KCNJ3: variants seen among roughly 807,000 people sequenced by gnomAD.
KCNJ3 encodes G protein-activated inward rectifier potassium channel 1.
In KCNJ3, 4 loss-of-function variants were observed where a neutral mutation model predicts 39.2. The ratio of observed to expected loss-of-function variants is 0.10; its 90% confidence interval spans 0.05 to 0.23. The LOEUF (loss-of-function observed/expected upper bound fraction) is 0.23. KCNJ3 is among the 10% of genes least tolerant of loss of function. KCNJ3 has a pLI of 1.00. For synonymous variants in KCNJ3, 230 were observed against 237.4 expected (o/e 0.97, Z 0.29); for missense variants, 276 against 634.9 (o/e 0.43, Z 6.08).
intron 2 of KCNJ3, among the ~76,000 whole-genome samples, chr2:154,806,732 C>T (rs1321823685): frequency 6.6e-6 from 1 of 152,174 alleles, no homozygotes; most frequent in Non-Finnish European, 1.5e-5. Context: ...CAGGATGGCA[C>T]TAACCTACAC....
Position 154,856,453 on chromosome 2 carries a change from T to C in KCNJ3, c.*1140T>C, listed in dbSNP as rs1032103115. 1.3e-5 allele frequency: 2 copies of C among 152,492 alleles called. No homozygotes were observed. The highest frequency in any genetic ancestry group is 2.9e-5 in the Non-Finnish European group (2 of 68,014). The allele number at this position is 152,492 out of a possible 1,614,324, so 9.4% of individuals were successfully genotyped here. A position where few individuals can be genotyped will look rare whatever the true frequency, so the allele number is the denominator to read the frequency against. Reference sequence around the variant, plus strand: ...GAAACAGATGATAAATATTTATGCTTAAAATATGTATGTCTAATTGAGTCT... The same window carrying C: ...GAAACAGATGATAAATATTTATGCTCAAAATATGTATGTCTAATTGAGTCT... On this transcript the variant is annotated 3_prime_UTR_variant, in exon 3 of 3. Transcript: ENST00000295101.
chr2:154,768,634 G>T (rs1686178048), intron 2 of KCNJ3, among the ~76,000 whole-genome samples: 1 of 152,060 alleles, frequency 6.6e-6, no homozygotes, highest in Non-Finnish European at 1.5e-5. Context: ...GCCTCCAGCT[G>T]TGCTCTTTTG....
intron 2 of KCNJ3, among the ~76,000 whole-genome samples, chr2:154,748,586 G>T (rs1291134427): frequency 2.6e-5 from 4 of 151,958 alleles, no homozygotes; most frequent in Non-Finnish European, 4.4e-5. Context: ...TCATCCAATT[G>T]TAAGATATCT....
intron 2 of KCNJ3, among the ~76,000 whole-genome samples, chr2:154,727,806 CATA>C (rs1685385873): frequency 6.6e-6 from 1 of 151,442 alleles, no homozygotes; most frequent in African/African-American, 2.4e-5. Context: ...GGTCAGCTGT[CATA>C]GTAGAAAAAA....
In KCNJ3 at chr2:154,703,987, G is replaced by C. The variant is rs572948538; in HGVS notation, c.702+4510G>C. On this transcript the variant is annotated intron_variant, in intron 1 of 2. Coordinates refer to ENST00000295101, the MANE Select transcript of KCNJ3 (RefSeq NM_002239.4). ...GGAGCTAGGTCCTGTATTGGTTGGT[G>C]AGTTCTTCAGGTAGATTCATTTTAT... Among the ~76,000 whole-genome samples the C allele has an allele frequency of 2.6e-5, 4 of 152,150 alleles. No homozygotes were observed. The South Asian group carries it at 8.3e-4, about 32-fold the overall frequency.
chr2:154,794,573 A>G (rs1357287042), intron 2 of KCNJ3, among the ~76,000 whole-genome samples: 1 of 152,030 alleles, frequency 6.6e-6, no homozygotes, highest in African/African-American at 2.4e-5. Context: ...AAATATATCT[A>G]GAAGAGTGCT....
intron 2 of KCNJ3, among the ~76,000 whole-genome samples, chr2:154,819,999 T>A (rs1335135694): frequency 6.6e-6 from 1 of 152,170 alleles, no homozygotes; most frequent in Non-Finnish European, 1.5e-5. Context: ...TTTAGAATTA[T>A]GGAAACATTG....
At chr2:154,783,435 T>C (rs1686474475) in intron 2 of KCNJ3, among the ~76,000 whole-genome samples, 1 of 152,184 alleles carries the variant, frequency 6.6e-6, no homozygotes, top group African/African-American at 2.4e-5. Context: ...TTTCATATGA[T>C]GCAGCAAGAG....
chr2:154,822,327 T>C (rs1420377733), intron 2 of KCNJ3, among the ~76,000 whole-genome samples: 1 of 152,202 alleles, frequency 6.6e-6, no homozygotes. Flanking sequence ...ATTTTTTAAC[T>C]GTGTGCCTCA....
At chr2:154,847,855 G>GT (rs1019080408) in intron 2 of KCNJ3, among the ~76,000 whole-genome samples, 2 of 152,150 alleles carry the variant, frequency 1.3e-5, no homozygotes, top group African/African-American at 4.8e-5. Context: ...AGTGTTTGAT[G>GT]TTAGGTGCAT....
chr2:154,846,009 A>G (rs1468440514), intron 2 of KCNJ3, among the ~76,000 whole-genome samples: 1 of 152,114 alleles, frequency 6.6e-6, no homozygotes, highest in South Asian at 2.1e-4. Flanking sequence ...AAAGTCTGCA[A>G]TGCTTCTAAT....
intron 2 of KCNJ3, among the ~76,000 whole-genome samples, chr2:154,837,073 G>T (rs1385836546): frequency 1.3e-5 from 2 of 152,178 alleles, no homozygotes; most frequent in East Asian, 3.9e-4. Flanking sequence ...GATGTCAAGT[G>T]TGTAAGTGTA....
At chr2:154,820,459 C>T (rs537854275) in intron 2 of KCNJ3, among the ~76,000 whole-genome samples, 1 of 152,282 alleles carries the variant, frequency 6.6e-6, no homozygotes, top group East Asian at 1.9e-4. Flanking sequence ...TGTATCACAT[C>T]AGGAGACGCA....
chr2:154,747,735 G>A (rs1209167046), intron 2 of KCNJ3, among the ~76,000 whole-genome samples: 1 of 152,040 alleles, frequency 6.6e-6, no homozygotes, highest in Non-Finnish European at 1.5e-5. Flanking sequence ...TAGAGTTGTA[G>A]GTTTGGAAGT....
At position 154,857,922 on chromosome 2, in the gene KCNJ3, A is replaced by AAAAAAAAC. The variant is rs1687869881; in HGVS notation, c.*2614_*2615insAACAAAAA. On this transcript the variant is annotated 3_prime_UTR_variant, in exon 3 of 3. Transcript: ENST00000295101. Reference sequence around the variant, plus strand: ...AAAAAAAAAAAAAAAAAAAAAAAAAAAAAAAGAATAAAAACAGGGTAACAT... The same window carrying AAAAAAAAC: ...AAAAAAAAAAAAAAAAAAAAAAAAAAAAAAAAACAAAAAGAATAAAAACAGGGTAACAT... The AAAAAAAAC allele has an allele frequency of 7.7e-6, 1 of 129,706 alleles. No homozygotes were observed. The highest frequency in any genetic ancestry group is 1.6e-5 in the Non-Finnish European group (1 of 61,000). 8.0% of individuals were successfully genotyped at this position (129,706 alleles called of 1,614,324 possible).
chr2:154,724,824 CATTTAT>C (rs1221449477), intron 2 of KCNJ3, among the ~76,000 whole-genome samples: 3 of 145,818 alleles, frequency 2.1e-5, no homozygotes, highest in East Asian at 2.0e-4. Flanking sequence ...ATAAAATATA[CATTTAT>C]ATTTATATTT....
chr2:154,826,704 A>G (rs1306644008), intron 2 of KCNJ3, among the ~76,000 whole-genome samples: 7 of 152,212 alleles, frequency 4.6e-5, no homozygotes, highest in Non-Finnish European at 8.8e-5. Context: ...AATGTTAGCA[A>G]GACTCCTTGT....
At chr2:154,821,898 C>T (rs982339646) in intron 2 of KCNJ3, among the ~76,000 whole-genome samples, 2 of 151,860 alleles carry the variant, frequency 1.3e-5, no homozygotes, top group African/African-American at 2.4e-5. Context: ...GCCTTGGCCT[C>T]CCAAAATGCT....
At chr2:154,715,281 A>G (rs1402976734) in intron 2 of KCNJ3, among the ~76,000 whole-genome samples, 1 of 152,196 alleles carries the variant, frequency 6.6e-6, no homozygotes, top group African/African-American at 2.4e-5. Context: ...CACTACTTTC[A>G]TGATATACTC....
Sources: allele counts gnomAD v4.1 joint callset (sites outside exome capture counted in the v4.1 genomes callset), GRCh38; gene constraint gnomAD v4.1.1; transcripts MANE v1.5; gene names NCBI Gene and HGNC (gene_info 2026-07-23, HGNC 2026-07-21).